Variants in ENTPD4 observed in about 807,000 individuals in gnomAD.
The protein encoded by ENTPD4 is Golgi UDPase.
A neutral mutation model predicts 79.1 loss-of-function variants in ENTPD4; 60 were observed. The observed-to-expected ratio is 0.76, with a 90% confidence interval of 0.62 to 0.94. ENTPD4 has a LOEUF of 0.94. ENTPD4 is among the 40% of genes least tolerant of loss of function. The pLI is 0.00. For missense variants in ENTPD4, 772 were observed against 775.1 expected (o/e 1.00, Z 0.05); for synonymous variants, 276 against 292.0 (o/e 0.95, Z 0.56).
Position 23,433,811 on chromosome 8 carries a change from T to A in ENTPD4, c.1622+506A>T, listed in dbSNP as rs184113162. ...CAATGCCTCAAAATATCATTGACGC[T>A]CATTGACTACACTGAAATTACAGAA... On this transcript the variant is annotated intron_variant, in intron 12 of 12. Coordinates refer to ENST00000358689, the MANE Select transcript of ENTPD4 (RefSeq NM_004901.5). Among the ~76,000 whole-genome samples, 416 of 152,346 alleles carry A rather than the reference T, an allele frequency of 2.7e-3. 2 individuals carry two copies. Among genetic ancestry groups the A allele is most frequent in the African/African-American group, 9.6e-3 (400 of 41,574 alleles).
intron 6 of ENTPD4, among the ~76,000 whole-genome samples, chr8:23,442,402 T>A (rs527431492): frequency 2.1e-3 from 323 of 152,304 alleles, no homozygotes; most frequent in Non-Finnish European, 3.8e-3. Context: ...ATTCAAGGTA[T>A]CAGCTGGGTG....
chr8:23,441,773 G>C (rs754171001), intron 7 of ENTPD4, 50 bp from the exon 8 acceptor site: 1 of 1,586,400 alleles, frequency 6.3e-7, no homozygotes, highest in Non-Finnish European at 8.6e-7. Flanking sequence ...CCAGAGAACT[G>C]GGCTCTTCTG....
At chr8:23,436,593 C>A (rs749507281) in intron 10 of ENTPD4, among the ~76,000 whole-genome samples, 3 of 152,050 alleles carry the variant, frequency 2.0e-5, no homozygotes, top group Non-Finnish European at 2.9e-5. Flanking sequence ...AGAGAGAACA[C>A]AAGAACAGGA....
At chr8:23,436,109 G>A (rs62501413) in intron 10 of ENTPD4, among the ~76,000 whole-genome samples, 24,548 of 152,124 alleles carry the variant, frequency 0.16, 2,156 homozygotes, top group East Asian at 0.31. Flanking sequence ...TGGGGAACGG[G>A]CTCGGCATAG....
At position 23,446,666 on chromosome 8, in the gene ENTPD4, A is replaced by G. The variant is rs374382768; in HGVS notation, c.412+1014T>C. Among the ~76,000 whole-genome samples, 6 of 152,300 alleles carry G rather than the reference A, an allele frequency of 3.9e-5. No homozygotes were observed. The East Asian group carries it at 9.6e-4, about 24-fold the overall frequency. ...CTGCCCATACATCAAAGGATAATCA[A>G]CTTGTTGAGGGCTGCCTGAAGGAGG... On this transcript the variant is annotated intron_variant, in intron 4 of 12. Coordinates refer to ENST00000358689, the MANE Select transcript of ENTPD4 (RefSeq NM_004901.5).
In ENTPD4 at chr8:23,430,390, T is replaced by C. The variant is rs546831784; in HGVS notation, c.*2536A>G. 3.8e-5 allele frequency: 37 copies of C among 985,448 alleles called. No individual in the cohort carries two copies. The South Asian group carries it at 1.5e-3, about 39-fold the overall frequency. 61.0% of individuals were successfully genotyped at this position (985,448 alleles called of 1,614,324 possible). On this transcript the variant is annotated 3_prime_UTR_variant, in exon 13 of 13. Coordinates refer to ENST00000358689, the MANE Select transcript of ENTPD4 (RefSeq NM_004901.5). ...GCAACAAATATTTTAAGATTGAAGT[T>C]TGGTTACTTCTCTTGTCCATCTTTT... is the stretch of plus-strand genomic sequence containing the variant.
At position 23,431,242 on chromosome 8, in the gene ENTPD4, C is replaced by T; in HGVS notation, c.*1684G>A. ...TTCTCCAAACTCTCCCAGCCTCTGCCCAGTACCTAGTTCCAAAGCCACTTT... is the reference window on the plus strand; with the variant it reads ...TTCTCCAAACTCTCCCAGCCTCTGCTCAGTACCTAGTTCCAAAGCCACTTT... On this transcript the variant is annotated 3_prime_UTR_variant, in exon 13 of 13. Transcript: ENST00000358689. 1.4e-6 allele frequency: 1 copy of T among 691,166 alleles called. No individual in the cohort carries two copies. Among genetic ancestry groups the T allele is most frequent in the Non-Finnish European group, 1.8e-6 (1 of 562,096 alleles). The allele number at this position is 691,166 out of a possible 1,614,324, so 42.8% of individuals were successfully genotyped here. A position where few individuals can be genotyped will look rare whatever the true frequency, so the allele number is the denominator to read the frequency against.
intron 4 of ENTPD4, among the ~76,000 whole-genome samples, chr8:23,445,650 C>G (rs1038510214): frequency 3.9e-5 from 6 of 152,216 alleles, no homozygotes; most frequent in African/African-American, 1.4e-4. Flanking sequence ...GAAGACAACT[C>G]TTGTTAAATT....
At chr8:23,453,512 G>C (rs531646605) in intron 1 of ENTPD4, among the ~76,000 whole-genome samples, 33 of 152,284 alleles carry the variant, frequency 2.2e-4, no homozygotes, top group African/African-American at 6.7e-4. Flanking sequence ...ACAGAAAAAT[G>C]AGCAAAGACA....
intron 12 of ENTPD4, 148 bp downstream of exon 12, chr8:23,434,169 C>T (rs1800512368): frequency 9.2e-7 from 1 of 1,081,894 alleles, no homozygotes; most frequent in African/African-American, 1.6e-5. Flanking sequence ...GGGGGCAAGA[C>T]CAAAAGCAAA....
In ENTPD4 at chr8:23,431,126, G is replaced by C. The variant is rs73551653; in HGVS notation, c.*1800C>G. The C allele has an allele frequency of 2.9e-3, 1,181 of 410,046 alleles. 11 individuals carry two copies. The highest frequency in any genetic ancestry group is 0.024 in the African/African-American group (1,125 of 45,930). 25.4% of individuals were successfully genotyped at this position (410,046 alleles called of 1,614,324 possible). A position where few individuals can be genotyped will look rare whatever the true frequency, so the allele number is the denominator to read the frequency against. On this transcript the variant is annotated 3_prime_UTR_variant, in exon 13 of 13. Transcript: ENST00000358689. Reference sequence around the variant, plus strand: ...CCTGAGGCAGTTTGAGCCACAACTGGGACAGAATTCCCTTGGTCTTCTCTT... The same window carrying C: ...CCTGAGGCAGTTTGAGCCACAACTGCGACAGAATTCCCTTGGTCTTCTCTT...
chr8:23,435,426 G>A lies in ENTPD4; in HGVS notation c.1426C>T (p.Leu476=). Residue 476 remains leucine (L), a synonymous_variant, in exon 11 of 13, where the codon CTG becomes TTG. Transcript: ENST00000358689. ...SILRERFDRG[L]YASHADLHRL... ...TGGAGGTCAGCATGAGAGGCGTACA[G>A]TCCTCGGTCAAAGCGTTCCCGCAAA... 6.2e-7 allele frequency: 1 copy of A among 1,614,088 alleles called. No homozygotes were observed. Among genetic ancestry groups the A allele is most frequent in the Middle Eastern group, 1.7e-4 (1 of 6,050 alleles).
chr8:23,437,777 G>A (rs1467732366), intron 9 of ENTPD4, among the ~76,000 whole-genome samples: 2 of 152,192 alleles, frequency 1.3e-5, no homozygotes, highest in Non-Finnish European at 2.9e-5. Context: ...AAATTGCCTT[G>A]CAAATCTCTT....
At chr8:23,456,723 AAC>A (rs1800965181) in intron 1 of ENTPD4, among the ~76,000 whole-genome samples, 1 of 152,262 alleles carries the variant, frequency 6.6e-6, no homozygotes, top group South Asian at 2.1e-4. Flanking sequence ...AATATATGGT[AAC>A]ACAAATAATA....
At chr8:23,449,310 A>G (rs139275169) in intron 2 of ENTPD4, among the ~76,000 whole-genome samples, 24 of 152,336 alleles carry the variant, frequency 1.6e-4, no homozygotes, top group African/African-American at 5.5e-4. Flanking sequence ...AAGGATGATG[A>G]GACCAAACGG....
chr8:23,445,652 T>G (rs898259615), intron 4 of ENTPD4, among the ~76,000 whole-genome samples: 1 of 152,224 alleles, frequency 6.6e-6, no homozygotes, highest in African/African-American at 2.4e-5. Context: ...AGACAACTCT[T>G]GTTAAATTCC....
At position 23,432,679 on chromosome 8, in the gene ENTPD4, T is replaced by C; in HGVS notation, c.*247A>G. On this transcript the variant is annotated 3_prime_UTR_variant, in exon 13 of 13. Coordinates refer to ENST00000358689, the MANE Select transcript of ENTPD4 (RefSeq NM_004901.5). ...ACACCCAGCTAATTTTTTGTATTTT[T>C]AGTAGAGACGGGGTTTCACCGTGTT... 1 of 838,006 alleles carries C rather than the reference T, an allele frequency of 1.2e-6. No individual in the cohort carries two copies. The highest frequency in any genetic ancestry group is 1.6e-6 in the Non-Finnish European group (1 of 624,392). The allele number at this position is 838,006 out of a possible 1,614,324, so 51.9% of individuals were successfully genotyped here.
chr8:23,442,066 C>T lies in ENTPD4; in HGVS notation c.668G>A (p.Gly223Asp). ...ATTAATGCCAATCCAAGCATACACA[C>T]CTATAGACATTTTACAGGGTGAAGA... Reference protein sequence around the residue: ...HAEVISGKQEGVYAWIGINFV... With the variant: ...HAEVISGKQEDVYAWIGINFV... Residue 223 changes from glycine (G) to aspartate (D), a missense_variant and splice_region_variant, in exon 7 of 13, where the codon GGT becomes GAT. Transcript: ENST00000358689. 2 of 1,611,714 alleles carry T rather than the reference C, an allele frequency of 1.2e-6. No individual in the cohort carries two copies. Among genetic ancestry groups the T allele is most frequent in the Non-Finnish European group, 1.7e-6 (2 of 1,178,068 alleles).
chr8:23,441,875 A>C (rs765064904), intron 7 of ENTPD4, 132 bp downstream of exon 7: 8 of 1,122,120 alleles, frequency 7.1e-6, no homozygotes, highest in Non-Finnish European at 1.1e-5. Flanking sequence ...ATTACGTTCA[A>C]CTGCAGCTGC....
Sources: gnomAD v4.1 joint callset for allele counts (sites outside exome capture counted in the v4.1 genomes callset) on GRCh38, gnomAD v4.1.1 for gene constraint, MANE v1.5 for transcripts, NCBI Gene and HGNC (gene_info 2026-07-23, HGNC 2026-07-21) for gene names.